PTPN18: variants seen among roughly 807,000 people sequenced by gnomAD.
PTPN18 encodes tyrosine-protein phosphatase non-receptor type 18.
A neutral mutation model predicts 65.4 loss-of-function variants in PTPN18; 65 were observed. That is an observed-to-expected ratio of 0.99 (90% CI 0.81 to 1.22). The LOEUF (loss-of-function observed/expected upper bound fraction) is 1.22. PTPN18 is among the 50% of genes most tolerant of loss of function. The pLI, the probability that PTPN18 is intolerant of heterozygous loss-of-function variation, is 0.00. For missense variants in PTPN18, 616 were observed against 646.5 expected, an observed-to-expected ratio of 0.95 and a Z score of 0.51; for synonymous variants, 255 against 267.8, an observed-to-expected ratio of 0.95 and a Z score of 0.47.
At chr2:130,372,192 G>C (rs1378967268) in intron 12 of PTPN18, 65 bp from the exon 13 acceptor site, 1 of 1,449,456 alleles carries the variant, frequency 6.9e-7, no homozygotes, top group Non-Finnish European at 9.3e-7. Context: ...GCGCTGAGCA[G>C]CCTCCCCACT....
Position 130,369,828 on chromosome 2 carries a change from G to C in PTPN18, c.546+1G>C. ...GACCCTCAAGGTCACATTCCAGAAGGTACTGTGACAGGGGAGGAGGAGGTA... is the reference window on the plus strand; with the variant it reads ...GACCCTCAAGGTCACATTCCAGAAGCTACTGTGACAGGGGAGGAGGAGGTA... On this transcript the variant is annotated splice_donor_variant, in intron 7 of 14. Coordinates refer to ENST00000175756, the MANE Select transcript of PTPN18 (RefSeq NM_014369.4). LOFTEE classifies it high-confidence loss of function. The C allele has an allele frequency of 6.3e-7, 1 of 1,593,464 alleles. No individual in the cohort carries two copies. Among genetic ancestry groups the C allele is most frequent in the Non-Finnish European group, 8.6e-7 (1 of 1,161,632 alleles).
intron 5 of PTPN18, among the ~76,000 whole-genome samples, chr2:130,361,438 CTTTA>C (rs1202236704): frequency 6.6e-6 from 1 of 151,978 alleles, no homozygotes; most frequent in African/African-American, 2.4e-5. Flanking sequence ...TGTAATGACT[CTTTA>C]TTTGTTAATA....
intron 1 of PTPN18, among the ~76,000 whole-genome samples, chr2:130,358,129 G>A (rs999127605): frequency 6.6e-6 from 1 of 152,146 alleles, no homozygotes; most frequent in African/African-American, 2.4e-5. Context: ...CCTGCCTCCC[G>A]CATGTGCAGG....
intron 5 of PTPN18, among the ~76,000 whole-genome samples, chr2:130,364,487 A>G (rs1395488738): frequency 6.6e-6 from 1 of 152,194 alleles, no homozygotes; most frequent in Non-Finnish European, 1.5e-5. Flanking sequence ...ACTATTGTAA[A>G]TAAGGCGGCT....
intron 4 of PTPN18, 48 bp from the exon 5 acceptor site, chr2:130,359,560 G>A (rs114219529): frequency 3.1e-6 from 5 of 1,612,742 alleles, no homozygotes; most frequent in South Asian, 1.1e-5. Context: ...AGTTTCCCTG[G>A]CCCCCTCACC....
chr2:130,372,367 G>T lies in PTPN18; in HGVS notation c.1124G>T (p.Gly375Val). ...GGGAGTGGGACGCAGACGGGGACGGGGACGGGGACGGGGGCGCGCAGCGCG... is the reference window on the plus strand; with the variant it reads ...GGGAGTGGGACGCAGACGGGGACGGTGACGGGGACGGGGGCGCGCAGCGCG... ...GAGSGTQTGT[G>V]TGTGARSAEE... The change falls in exon 13 of 15, where the codon GGG (glycine) becomes GTG (valine). Residue 375 changes from glycine to valine, a missense_variant. Physicochemically the swap from Gly to Val is moderately radical, Grantham distance 109 (BLOSUM62 -3). Transcript: ENST00000175756. The T allele has an allele frequency of 7.3e-7, 1 of 1,363,978 alleles. No individual in the cohort carries two copies. Among genetic ancestry groups the T allele is most frequent in the Middle Eastern group, 2.7e-4 (1 of 3,698 alleles). The allele number at this position is 1,363,978 out of a possible 1,614,324, so 84.5% of individuals were successfully genotyped here. A position where few individuals can be genotyped will look rare whatever the true frequency, so the allele number is the denominator to read the frequency against.
chr2:130,369,265 G>C, intron 6 of PTPN18, 64 bp downstream of exon 6: 1 of 1,471,534 alleles, frequency 6.8e-7, no homozygotes, highest in Non-Finnish European at 9.5e-7. Flanking sequence ...GGGCCTAAAA[G>C]GTTGAATGAT....
intron 12 of PTPN18, 76 bp downstream of exon 12, chr2:130,371,363 T>C: frequency 7.8e-7 from 1 of 1,286,088 alleles, no homozygotes; most frequent in Non-Finnish European, 1.1e-6. Flanking sequence ...GGAACACCAG[T>C]CCGTTCCTTG....
intron 5 of PTPN18, among the ~76,000 whole-genome samples, chr2:130,361,520 T>TTCTTTCTTTCTTTCTTTC (rs1558842071): frequency 8.0e-4 from 41 of 51,570 alleles, no homozygotes; most frequent in African/African-American, 2.3e-3. Flanking sequence ...TTCTCTTTCT[T>TTCTTTCTTTCTTTCTTTC]TCTTTCTTTC....
At chr2:130,362,352 G>T in intron 5 of PTPN18, 2 of 273,274 alleles carry the variant, frequency 7.3e-6, no homozygotes, top group South Asian at 3.0e-5. Context: ...AATAATGTTG[G>T]GTTTAAACCT....
intron 5 of PTPN18, among the ~76,000 whole-genome samples, chr2:130,361,504 TTTTCTTTCTCTTTC>T (rs1292113119): frequency 7.1e-6 from 1 of 141,174 alleles, no homozygotes; most frequent in Non-Finnish European, 1.5e-5. Context: ...AATTTCTTTC[TTTTCTTTCTCTTTC>T]TTTCTTTCTT....
At chr2:130,361,877 C>T (rs529342920) in intron 5 of PTPN18, among the ~76,000 whole-genome samples, 49 of 151,386 alleles carry the variant, frequency 3.2e-4, no homozygotes, top group South Asian at 2.9e-3. Flanking sequence ...CATGAGCCAC[C>T]GCCCTCGGCC....
At position 130,358,852 on chromosome 2, in the gene PTPN18, A is replaced by C; in HGVS notation, c.94-15A>C. 1 of 1,603,054 alleles carries C rather than the reference A, an allele frequency of 6.2e-7. No homozygotes were observed. Among genetic ancestry groups the C allele is most frequent in the Non-Finnish European group, 8.5e-7 (1 of 1,171,392 alleles). On this transcript the variant is annotated splice_polypyrimidine_tract_variant and intron_variant, in intron 1 of 14. Coordinates refer to ENST00000175756, the MANE Select transcript of PTPN18 (RefSeq NM_014369.4). The stretch of plus-strand genomic sequence containing the variant: ...GTCTTCTCCCCTCCCTGACCCACTC[A>C]TAATGCTCTACCAGGACATCCAGGC...
chr2:130,361,572 T>C (rs1558842371), intron 5 of PTPN18, among the ~76,000 whole-genome samples: 4 of 146,468 alleles, frequency 2.7e-5, no homozygotes, highest in African/African-American at 8.0e-5. Flanking sequence ...CTTTCCTTTC[T>C]TTCCTTTCTT....
chr2:130,365,782 A>C (rs1011287076), intron 5 of PTPN18, among the ~76,000 whole-genome samples: 1 of 152,228 alleles, frequency 6.6e-6, no homozygotes, highest in Non-Finnish European at 1.5e-5. Context: ...ACTCTTTTGC[A>C]TGTGACTATC....
intron 5 of PTPN18, among the ~76,000 whole-genome samples, chr2:130,361,686 C>G (rs1680221380): frequency 6.6e-6 from 1 of 151,950 alleles, no homozygotes; most frequent in Non-Finnish European, 1.5e-5. Flanking sequence ...CTCCCAGGTT[C>G]AAGCGATTCT....
At chr2:130,356,603 G>A (rs763534748) in intron 1 of PTPN18, 70 of 477,234 alleles carry the variant, frequency 1.5e-4, no homozygotes, top group Non-Finnish European at 1.5e-4. Flanking sequence ...ACCACAGGAA[G>A]GAAGGGGCTG....
intron 12 of PTPN18, 85 bp from the exon 13 acceptor site, chr2:130,372,172 C>A (rs555167154): frequency 7.5e-7 from 1 of 1,329,076 alleles, no homozygotes; most frequent in Non-Finnish European, 1.0e-6. Context: ...GAAGGAAGCC[C>A]GTGGTTTGCG....
intron 1 of PTPN18, among the ~76,000 whole-genome samples, chr2:130,357,611 C>T (rs1315382856): frequency 6.6e-6 from 1 of 152,178 alleles, no homozygotes; most frequent in African/African-American, 2.4e-5. Context: ...AATCCCAGCA[C>T]TTTGGGAGGC....
Sources: allele counts gnomAD v4.1 joint callset (sites outside exome capture counted in the v4.1 genomes callset), GRCh38; gene constraint gnomAD v4.1.1; transcripts MANE v1.5; gene names NCBI Gene and HGNC (gene_info 2026-07-23, HGNC 2026-07-21).